CCDC141: variants seen among roughly 807,000 people sequenced by gnomAD.
CCDC141 encodes coiled-coil domain containing 141, also known as coiled-coil domain-containing protein 141.
CCDC141 carries 168 observed loss-of-function variants against 181.0 expected under a neutral mutation model. That is an observed-to-expected ratio of 0.93 (90% CI 0.82 to 1.05). The LOEUF (loss-of-function observed/expected upper bound fraction) is 1.05. Among genes scored for constraint, CCDC141 ranks in the 50% least tolerant of loss-of-function variants. The pLI is 0.00. For synonymous variants in CCDC141, 666 were observed against 642.3 expected (o/e 1.04, Z -0.56); for missense variants, 1,902 against 1,788.5 (o/e 1.06, Z -1.14).
chr2:178,957,189 G>A (rs776059933), intron 5 of CCDC141, among the ~76,000 whole-genome samples: 7 of 152,138 alleles, frequency 4.6e-5, no homozygotes, highest in Non-Finnish European at 7.4e-5. Flanking sequence ...GCTTTCATAA[G>A]TTGTAAGGTT....
At chr2:178,949,508 A>G (rs1689863502) in intron 5 of CCDC141, among the ~76,000 whole-genome samples, 1 of 152,210 alleles carries the variant, frequency 6.6e-6, no homozygotes, top group Non-Finnish European at 1.5e-5. Context: ...TGCTCATTAT[A>G]TACATCTGCA....
At chr2:179,015,003 A>T (rs563194644) in intron 2 of CCDC141, among the ~76,000 whole-genome samples, 1 of 146,488 alleles carries the variant, frequency 6.8e-6, no homozygotes, top group African/African-American at 2.5e-5. Context: ...TCACAGTTGC[A>T]AAATCATGGA....
chr2:178,942,400 AAAGCCTACATACTGT>A (rs1157479436), intron 6 of CCDC141, among the ~76,000 whole-genome samples: 26 of 152,326 alleles, frequency 1.7e-4, no homozygotes, highest in African/African-American at 5.3e-4. Flanking sequence ...CACCAATCTG[AAAGCCTACATACTGT>A]ACGATTCTAA....
intron 6 of CCDC141, among the ~76,000 whole-genome samples, chr2:178,930,129 C>T (rs1184226318): frequency 2.6e-5 from 4 of 151,126 alleles, no homozygotes; most frequent in Admixed American, 6.6e-5. Context: ...ATAAAATCAA[C>T]GTTAAAAAAA....
chr2:178,990,297 C>G (rs968544179), intron 2 of CCDC141, among the ~76,000 whole-genome samples: 2 of 150,976 alleles, frequency 1.3e-5, no homozygotes, highest in Non-Finnish European at 2.9e-5. Context: ...AAGTCAAACA[C>G]AGAATTACCA....
In CCDC141 at chr2:179,006,536, A is replaced by G. The variant is rs192042659; in HGVS notation, c.226-27861T>C. 3.3e-5 allele frequency among the ~76,000 whole-genome samples: 5 copies of G among 152,292 alleles called. No individual in the cohort carries two copies. In the East Asian group the frequency reaches 9.6e-4, roughly 29 times the overall value. On this transcript the variant is annotated intron_variant, in intron 2 of 23. Transcript: ENST00000443758. ...TCCATGGTTTAGTGATACAATAATT[A>G]ATTAATTTATGCAACAGATAATGAG...
At chr2:179,026,499 C>T (rs2042848822) in intron 2 of CCDC141, among the ~76,000 whole-genome samples, 1 of 152,210 alleles carries the variant, frequency 6.6e-6, no homozygotes, top group Non-Finnish European at 1.5e-5. Flanking sequence ...TATGGAAACA[C>T]CTGGATGTCC....
chr2:178,973,635 T>G (rs1216318576), intron 4 of CCDC141, among the ~76,000 whole-genome samples: 2 of 152,290 alleles, frequency 1.3e-5, no homozygotes, highest in South Asian at 2.1e-4. Flanking sequence ...ACATTCCCCC[T>G]GCCAGCTCCA....
intron 22 of CCDC141, among the ~76,000 whole-genome samples, chr2:178,838,060 C>T (rs897776028): frequency 6.6e-6 from 1 of 152,124 alleles, no homozygotes; most frequent in African/African-American, 2.4e-5. Context: ...TCTTTCAAAC[C>T]ATGATCTGGG....
chr2:178,837,997 A>C (rs148308443), intron 22 of CCDC141, among the ~76,000 whole-genome samples: 18 of 152,268 alleles, frequency 1.2e-4, no homozygotes, highest in African/African-American at 2.4e-4. Context: ...TGTGAACAGA[A>C]GAGAGAAAGC....
intron 8 of CCDC141, among the ~76,000 whole-genome samples, chr2:178,891,683 C>T (rs1378031144): frequency 7.2e-5 from 11 of 152,086 alleles, no homozygotes; most frequent in Non-Finnish European, 1.6e-4. Context: ...AATAGGTAAA[C>T]AAAACCAAAC....
chr2:178,890,468 G>A (rs1386163374), intron 8 of CCDC141, among the ~76,000 whole-genome samples: 3 of 152,112 alleles, frequency 2.0e-5, no homozygotes, highest in East Asian at 3.9e-4. Flanking sequence ...CTCCAGCCAA[G>A]CCTCTTGATT....
rs534829756 is a variant in CCDC141, at chr2:178,945,931, A to T, written c.781-1280T>A. 5.3e-4 allele frequency among the ~76,000 whole-genome samples: 80 copies of T among 152,134 alleles called. 2 individuals are homozygous for T. The South Asian group carries it at 0.016, about 30-fold the overall frequency. Reference sequence around the variant, plus strand: ...ACACACCATTTATAGGGCTGATATCACAAAGCTGACTATGCGATCAAAAGG... The same window carrying T: ...ACACACCATTTATAGGGCTGATATCTCAAAGCTGACTATGCGATCAAAAGG... On this transcript the variant is annotated intron_variant, in intron 5 of 23. Coordinates refer to ENST00000443758, the MANE Select transcript of CCDC141 (RefSeq NM_173648.4).
intron 4 of CCDC141, among the ~76,000 whole-genome samples, chr2:178,970,371 T>C (rs1194486787): frequency 1.3e-5 from 2 of 152,082 alleles, no homozygotes; most frequent in Admixed American, 1.3e-4. Context: ...CTTCAAACTA[T>C]CCTACAACGC....
At chr2:178,921,249 C>T (rs966777544) in intron 6 of CCDC141, among the ~76,000 whole-genome samples, 7 of 152,190 alleles carry the variant, frequency 4.6e-5, no homozygotes, top group African/African-American at 1.7e-4. Flanking sequence ...TCATAAAGCA[C>T]TTTTATTACC....
intron 17 of CCDC141, among the ~76,000 whole-genome samples, chr2:178,863,395 A>G (rs1243426249): frequency 6.6e-6 from 1 of 152,230 alleles, no homozygotes; most frequent in Admixed American, 6.5e-5. Flanking sequence ...GTCCTCTGGC[A>G]TGTTATCTAA....
At chr2:178,955,549 C>T (rs1386080748) in intron 5 of CCDC141, among the ~76,000 whole-genome samples, 1 of 151,918 alleles carries the variant, frequency 6.6e-6, no homozygotes, top group Non-Finnish European at 1.5e-5. Flanking sequence ...TATTTAAACA[C>T]AGAATATGTT....
At position 178,941,678 on chromosome 2, in the gene CCDC141, T is replaced by TATGAGAGTTCATGCCTGTAATC. The variant is rs1445317224; in HGVS notation, c.897+2835_897+2856dup. On this transcript the variant is annotated intron_variant, in intron 6 of 23. Coordinates refer to ENST00000443758, the MANE Select transcript of CCDC141 (RefSeq NM_173648.4). ...CCCTTTAGAAAATAAATTTGCCAGGTATGAGAGTTCATGCCTGTAATCCCA... is the reference window on the plus strand; with the variant it reads ...CCCTTTAGAAAATAAATTTGCCAGGTATGAGAGTTCATGCCTGTAATCATGAGAGTTCATGCCTGTAATCCCA... 3.3e-5 allele frequency among the ~76,000 whole-genome samples: 5 copies of TATGAGAGTTCATGCCTGTAATC among 151,656 alleles called. No homozygotes were observed. In the East Asian group the frequency reaches 9.7e-4, roughly 29 times the overall value.
At chr2:178,817,773 T>C in the CCDC141 span, 3 of 288,948 alleles carry the variant, frequency 1.0e-5, no homozygotes, top group Non-Finnish European at 2.0e-5. Flanking sequence ...TCTCTCTCCC[T>C]CCTCCCTTCC....
Sources: gnomAD v4.1 joint callset for allele counts (sites outside exome capture counted in the v4.1 genomes callset) on GRCh38, gnomAD v4.1.1 for gene constraint, MANE v1.5 for transcripts, NCBI Gene and HGNC (gene_info 2026-07-23, HGNC 2026-07-21) for gene names.